The following ZMAT4 variants were observed in gnomAD, a reference collection of about 807,000 sequenced individuals.
ZMAT4 encodes the protein zinc finger matrin-type 4.
Under a neutral mutation model 28.7 loss-of-function variants are expected in ZMAT4, and 17 were observed. The ratio of observed to expected loss-of-function variants is 0.59; its 90% CI spans 0.41 to 0.89. The LOEUF is 0.89. Ranked by LOEUF, ZMAT4 falls within the 40% of genes least tolerant of loss-of-function variation. The probability of loss-of-function intolerance (pLI) is 0.00; values close to 1 mark genes in which losing one functional copy is unlikely to be tolerated. For missense variants in ZMAT4, 240 were observed against 283.8 expected, an observed-to-expected ratio of 0.85 and a Z score of 1.11; for synonymous variants, 117 against 109.2, an observed-to-expected ratio of 1.07 and a Z score of -0.44.
intron 4 of ZMAT4, among the ~76,000 whole-genome samples, chr8:40,681,812 TTAGA>T (rs1317901163): frequency 6.6e-6 from 1 of 152,180 alleles, no homozygotes; most frequent in Non-Finnish European, 1.5e-5. Context: ...AAGAAACAAG[TTAGA>T]TACTCTTAAT....
intron 2 of ZMAT4, among the ~76,000 whole-genome samples, chr8:40,812,845 T>C (rs990891161): frequency 3.4e-4 from 51 of 151,912 alleles, no homozygotes; most frequent in African/African-American, 1.2e-3. Flanking sequence ...GGCAGGAGAA[T>C]CACTTGGAAC....
At chr8:40,660,388 T>A (rs1808134866) in intron 5 of ZMAT4, among the ~76,000 whole-genome samples, 1 of 152,232 alleles carries the variant, frequency 6.6e-6, no homozygotes, top group Admixed American at 6.5e-5. Context: ...AAAAGCATCC[T>A]TCAAATAATG....
At chr8:40,580,506 T>C (rs1212543588) in intron 6 of ZMAT4, among the ~76,000 whole-genome samples, 1 of 152,244 alleles carries the variant, frequency 6.6e-6, no homozygotes, top group South Asian at 2.1e-4. Flanking sequence ...AGACATTCTT[T>C]GCTTTTTTCA....
chr8:40,683,633 C>T (rs1028017262), intron 4 of ZMAT4, among the ~76,000 whole-genome samples: 126 of 152,222 alleles, frequency 8.3e-4, no homozygotes, highest in African/African-American at 2.9e-3. Flanking sequence ...AAATCATTCA[C>T]TGAGAAACAA....
At chr8:40,834,373 T>A (rs1816401459) in intron 1 of ZMAT4, among the ~76,000 whole-genome samples, 1 of 152,108 alleles carries the variant, frequency 6.6e-6, no homozygotes, top group Non-Finnish European at 1.5e-5. Flanking sequence ...CCAGGGGGCA[T>A]GAGCAGAGCA....
intron 1 of ZMAT4, among the ~76,000 whole-genome samples, chr8:40,896,238 A>G (rs1158278650): frequency 1.3e-5 from 2 of 152,166 alleles, no homozygotes; most frequent in African/African-American, 4.8e-5. Context: ...GAGAATCAAG[A>G]CTGTCATCTG....
intron 6 of ZMAT4, among the ~76,000 whole-genome samples, chr8:40,575,100 T>C (rs983980721): frequency 1.3e-5 from 2 of 152,146 alleles, no homozygotes; most frequent in African/African-American, 4.8e-5. Flanking sequence ...CCACCCTGGC[T>C]GCTCAAGGCT....
intron 1 of ZMAT4, among the ~76,000 whole-genome samples, chr8:40,868,431 G>A (rs1447448941): frequency 6.6e-6 from 1 of 152,108 alleles, no homozygotes; most frequent in Non-Finnish European, 1.5e-5. Flanking sequence ...AGTAAACCTG[G>A]CACCCCACCT....
rs74528276 is a variant in ZMAT4, at chr8:40,534,823, C to T, written c.675-2585G>A. On this transcript the variant is annotated intron_variant, in intron 6 of 6. Coordinates refer to ENST00000297737, the MANE Select transcript of ZMAT4 (RefSeq NM_024645.3). The stretch of plus-strand genomic sequence containing the variant: ...TCAGCCTCCCAAGTAGCTGGGATTA[C>T]AGCCACGTGCTACCACACCTGGCTA... Among the ~76,000 whole-genome samples the T allele has an allele frequency of 2.6e-4, 39 of 151,960 alleles. No individual in the cohort carries two copies. The East Asian group carries it at 6.6e-3, about 26-fold the overall frequency.
At position 40,820,624 on chromosome 8, in the gene ZMAT4, GTA is replaced by G. The variant is rs1815739500; in HGVS notation, c.102+4949_102+4950del. On this transcript the variant is annotated intron_variant, in intron 2 of 6. Coordinates refer to ENST00000297737, the MANE Select transcript of ZMAT4 (RefSeq NM_024645.3). ...GGAGTGCATGTGTGTGTATGTGTGT[GTA>G]TGTGTGTGGGAGTGTCTCGGGCATG... Among the ~76,000 whole-genome samples, 3 of 112,354 alleles carry G rather than the reference GTA, an allele frequency of 2.7e-5. No individual in the cohort carries two copies. The South Asian group carries it at 1.0e-3, about 39-fold the overall frequency. 73.7% of individuals were successfully genotyped at this position (112,354 alleles called of 152,430 possible).
intron 1 of ZMAT4, among the ~76,000 whole-genome samples, chr8:40,844,113 A>G (rs1816794371): frequency 6.6e-6 from 1 of 152,244 alleles, no homozygotes; most frequent in Non-Finnish European, 1.5e-5. Context: ...TAACCGCTGA[A>G]GAGTGACAGG....
At chr8:40,764,557 C>T (rs1278958192) in intron 3 of ZMAT4, among the ~76,000 whole-genome samples, 2 of 149,842 alleles carry the variant, frequency 1.3e-5, no homozygotes, top group East Asian at 2.1e-4. Flanking sequence ...GTTTACAAAG[C>T]CATACGCTGG....
At chr8:40,678,670 A>G (rs1397989990) in intron 4 of ZMAT4, among the ~76,000 whole-genome samples, 2 of 152,210 alleles carry the variant, frequency 1.3e-5, no homozygotes, top group African/African-American at 4.8e-5. Context: ...ATCTGTGTGT[A>G]TGTGTAAGGG....
chr8:40,765,578 C>T (rs893563319), intron 3 of ZMAT4, among the ~76,000 whole-genome samples: 8 of 152,158 alleles, frequency 5.3e-5, no homozygotes, highest in African/African-American at 1.7e-4. Context: ...AAAAAGGTTT[C>T]CACGGGGACT....
intron 5 of ZMAT4, among the ~76,000 whole-genome samples, chr8:40,585,064 C>G (rs1165491440): frequency 6.6e-6 from 1 of 152,118 alleles, no homozygotes; most frequent in African/African-American, 2.4e-5. Flanking sequence ...TATTATGGCC[C>G]AGTGAGCATT....
At chr8:40,646,710 A>C (rs1807333029) in intron 5 of ZMAT4, among the ~76,000 whole-genome samples, 1 of 152,228 alleles carries the variant, frequency 6.6e-6, no homozygotes, top group African/African-American at 2.4e-5. Context: ...ATAAAGCAAA[A>C]GCTGATAGAA....
chr8:40,739,149 T>A (rs1172416240), intron 3 of ZMAT4, among the ~76,000 whole-genome samples: 1 of 152,242 alleles, frequency 6.6e-6, no homozygotes, highest in Admixed American at 6.5e-5. Flanking sequence ...CGTGGGTGGA[T>A]GTTAATACAT....
intron 5 of ZMAT4, among the ~76,000 whole-genome samples, chr8:40,661,604 A>G (rs1330075821): frequency 5.3e-5 from 8 of 152,220 alleles, no homozygotes; most frequent in Non-Finnish European, 1.5e-5. Context: ...ATGGAGTTAA[A>G]GTTATAATTT....
chr8:40,855,037 C>T (rs990007247), intron 1 of ZMAT4, among the ~76,000 whole-genome samples: 7 of 152,148 alleles, frequency 4.6e-5, no homozygotes, highest in African/African-American at 1.4e-4. Context: ...CAAATGCATA[C>T]TGTACACCAA....
Sources: allele counts gnomAD v4.1 joint callset (sites outside exome capture counted in the v4.1 genomes callset), GRCh38; gene constraint gnomAD v4.1.1; transcripts MANE v1.5; gene names NCBI Gene and HGNC (gene_info 2026-07-23, HGNC 2026-07-21).